Variants in SLC16A2 observed in about 807,000 individuals in gnomAD.
The protein encoded by SLC16A2 is solute carrier family 16 member 2.
A neutral mutation model predicts 27.2 loss-of-function variants in SLC16A2; 3 were observed. That is an observed-to-expected ratio of 0.11 (90% confidence interval 0.05 to 0.28). SLC16A2 has a LOEUF of 0.28. Ranked by LOEUF, SLC16A2 falls within the 10% of genes least tolerant of loss-of-function variation. The pLI, the probability that SLC16A2 is intolerant of heterozygous loss-of-function variation, is 1.00. For missense variants in SLC16A2, 295 were observed against 458.5 expected, an observed-to-expected ratio of 0.64 and a Z score of 3.26; for synonymous variants, 202 against 187.8, an observed-to-expected ratio of 1.08 and a Z score of -0.62.
chrX:74,480,453 G>A (rs998496020), intron 1 of SLC16A2, among the ~76,000 whole-genome samples: 3 of 112,404 alleles, frequency 2.7e-5, no homozygotes, highest in Non-Finnish European at 3.8e-5. Context: ...AGCCTCGCCC[G>A]GCTTTGGCTC....
chrX:74,486,023 T>C (rs1929713132), intron 1 of SLC16A2, among the ~76,000 whole-genome samples: 1 of 111,290 alleles, frequency 9.0e-6, no homozygotes, highest in African/African-American at 3.3e-5. Context: ...CCAAAGGGGG[T>C]TGCCCACTCC....
intron 2 of SLC16A2, 34 bp downstream of exon 2, chrX:74,521,168 G>C (rs1930399929): frequency 8.3e-7 from 1 of 1,206,249 alleles, no homozygotes; most frequent in Non-Finnish European, 1.1e-6. Flanking sequence ...TTTCCCCAAG[G>C]CTGAGGGTTG....
chrX:74,529,311 C>A lies in SLC16A2; in HGVS notation c.1269C>A (p.Cys423Ter). The A allele has an allele frequency of 8.3e-7, 1 of 1,210,249 alleles. No homozygotes were observed. Among genetic ancestry groups the A allele is most frequent in the East Asian group, 3.0e-5 (1 of 33,833 alleles). The change falls in exon 5 of 6, where the codon TGC becomes TGA. Residue 423 changes from cysteine (C) to a stop codon, truncating the protein, a stop_gained. Coordinates refer to ENST00000587091, the MANE Select transcript of SLC16A2 (RefSeq NM_006517.5). LOFTEE classifies it high-confidence loss of function. ...LIVVCLFLGL[C>*]DGFFITIMAP... is the part of the protein sequence containing the mutation. The stretch of plus-strand genomic sequence containing the variant: ...TCGTCTGTCTTTTCCTGGGCCTTTG[C>A]GATGGCTTCTTCATCACCATCATGG...
intron 1 of SLC16A2, among the ~76,000 whole-genome samples, chrX:74,477,777 G>A (rs1929515995): frequency 8.9e-6 from 1 of 112,230 alleles, no homozygotes; most frequent in East Asian, 2.8e-4. Flanking sequence ...CAGTTTCCAT[G>A]TAGTTGAGTG....
rs73494887 is a variant in SLC16A2, at chrX:74,462,722, T to C, written c.430+40655T>C. 1.6e-3 allele frequency among the ~76,000 whole-genome samples: 178 copies of C among 112,021 alleles called. 1 individual carries two copies. The highest frequency in any genetic ancestry group is 5.3e-3 in the African/African-American group (163 of 30,851). The stretch of plus-strand genomic sequence containing the variant: ...AAGGTAGGGGGAACTTTCACAGCCC[T>C]GGGAGACCATGACCAAAGGGAAACA... On this transcript the variant is annotated intron_variant, in intron 1 of 5. Coordinates refer to ENST00000587091, the MANE Select transcript of SLC16A2 (RefSeq NM_006517.5).
intron 1 of SLC16A2, among the ~76,000 whole-genome samples, chrX:74,515,803 T>A (rs1250656737): frequency 9.0e-6 from 1 of 111,620 alleles, no homozygotes; most frequent in Admixed American, 9.5e-5. Context: ...GAATTGTATA[T>A]CCAGTGAAAA....
chrX:74,513,551 ATTG>A (rs1930268167), intron 1 of SLC16A2, among the ~76,000 whole-genome samples: 1 of 111,824 alleles, frequency 8.9e-6, no homozygotes, highest in African/African-American at 3.2e-5. Flanking sequence ...TGTCACCATA[ATTG>A]TTATCATGAC....
chrX:74,479,004 G>C (rs1929553297), intron 1 of SLC16A2, among the ~76,000 whole-genome samples: 1 of 111,092 alleles, frequency 9.0e-6, no homozygotes, highest in Non-Finnish European at 1.9e-5. Context: ...GGCGTTCTCT[G>C]TATTTCCTGA....
chrX:74,475,469 A>G (rs1402612458), intron 1 of SLC16A2, among the ~76,000 whole-genome samples: 1 of 107,455 alleles, frequency 9.3e-6, no homozygotes, highest in Non-Finnish European at 1.9e-5. Context: ...TGCTGTGCAG[A>G]AGCTCTTTAG....
chrX:74,471,851 A>G (rs1929363310), intron 1 of SLC16A2, among the ~76,000 whole-genome samples: 1 of 111,584 alleles, frequency 9.0e-6, no homozygotes. Flanking sequence ...TTCTGTCCCT[A>G]AGGATTTGAT....
intron 1 of SLC16A2, among the ~76,000 whole-genome samples, chrX:74,441,448 A>G (rs1348660387): frequency 1.8e-5 from 2 of 112,128 alleles, no homozygotes; most frequent in Non-Finnish European, 3.8e-5. Flanking sequence ...CCAGCTGCTA[A>G]TCCATGCATT....
At chrX:74,521,726 G>C (rs1930410486) in intron 2 of SLC16A2, among the ~76,000 whole-genome samples, 1 of 112,243 alleles carries the variant, frequency 8.9e-6, no homozygotes, top group Admixed American at 9.4e-5. Flanking sequence ...TCAGGCTGCT[G>C]ACATATGGAT....
intron 1 of SLC16A2, among the ~76,000 whole-genome samples, chrX:74,511,057 C>A (rs1930222303): frequency 9.0e-6 from 1 of 111,193 alleles, no homozygotes; most frequent in South Asian, 3.8e-4. Context: ...GGTGACAGAG[C>A]AAGACCCTGT....
intron 1 of SLC16A2, among the ~76,000 whole-genome samples, chrX:74,424,991 T>A (rs888654069): frequency 8.9e-6 from 1 of 112,295 alleles, no homozygotes; most frequent in Non-Finnish European, 1.9e-5. Context: ...CTCAAGTAGC[T>A]AGAACTACAG....
At chrX:74,459,691 A>C (rs756438595) in intron 1 of SLC16A2, among the ~76,000 whole-genome samples, 9 of 111,404 alleles carry the variant, frequency 8.1e-5, no homozygotes, top group Non-Finnish European at 1.5e-4. Context: ...TAGTCCCAAT[A>C]GTCACACCCA....
intron 1 of SLC16A2, among the ~76,000 whole-genome samples, chrX:74,443,396 C>T (rs1928785996): frequency 8.9e-6 from 1 of 111,807 alleles, no homozygotes; most frequent in Admixed American, 9.5e-5. Context: ...TCCCCATGAA[C>T]TCGAGCAGCC....
chrX:74,437,768 A>T (rs971696650), intron 1 of SLC16A2, among the ~76,000 whole-genome samples: 2 of 111,772 alleles, frequency 1.8e-5, no homozygotes, highest in Non-Finnish European at 1.9e-5. Context: ...GGAAGAGAAG[A>T]CAGATAGATC....
Position 74,421,564 on chromosome X carries a change from G to A in SLC16A2, c.-74G>A. 3.5e-6 allele frequency: 4 copies of A among 1,151,131 alleles called. No individual in the cohort carries two copies. The highest frequency in any genetic ancestry group is 4.7e-6 in the Non-Finnish European group (4 of 850,870). 94.9% of individuals were successfully genotyped at this position (1,151,131 alleles called of 1,213,427 possible). On this transcript the variant is annotated 5_prime_UTR_variant, in exon 1 of 6. Transcript: ENST00000587091. ...AGCAGCAGCCCTCCGAGCAGCAGCA[G>A]CTGCAGCAGCAGAAACAAGTACCAG...
chrX:74,422,074 G>A lies in SLC16A2; in HGVS notation c.430+7G>A, dbSNP rs747348116. On this transcript the variant is annotated splice_region_variant and intron_variant, in intron 1 of 5. Transcript: ENST00000587091. The stretch of plus-strand genomic sequence containing the variant: ...CAAGTGGAGTTCCAAGCAGGTGAGT[G>A]GCCCCGCACGCCCCACTTGGCATTT... 8.3e-7 allele frequency: 1 copy of A among 1,205,026 alleles called. No individual in the cohort carries two copies. Among genetic ancestry groups the A allele is most frequent in the South Asian group, 1.8e-5 (1 of 55,879 alleles).
Sources: allele counts gnomAD v4.1 joint callset (sites outside exome capture counted in the v4.1 genomes callset), GRCh38; gene constraint gnomAD v4.1.1; transcripts MANE v1.5; gene names NCBI Gene and HGNC (gene_info 2026-07-23, HGNC 2026-07-21).